The following PTCD1 variants were observed in gnomAD, a reference collection of about 807,000 sequenced individuals.
PTCD1 encodes the protein pentatricopeptide repeat domain 1, also known as pentatricopeptide repeat-containing protein 1, mitochondrial.
Under a neutral mutation model 53.4 loss-of-function variants are expected in PTCD1, and 50 were observed. The ratio of observed to expected loss-of-function variants is 0.94; its 90% CI spans 0.75 to 1.19. The LOEUF is 1.19. PTCD1 is among the 50% of genes most tolerant of loss of function. The pLI, the probability that PTCD1 is intolerant of heterozygous loss-of-function variation, is 0.00. For missense variants in PTCD1, 918 were observed against 904.8 expected (o/e 1.01, Z -0.19); for synonymous variants, 413 against 394.8 (o/e 1.05, Z -0.55).
intron 5 of PTCD1, among the ~76,000 whole-genome samples, chr7:99,427,692 A>G (rs954014358): frequency 3.9e-5 from 6 of 152,062 alleles, no homozygotes; most frequent in African/African-American, 7.2e-5. Context: ...AGATTGAGAA[A>G]TCGGATGGTT....
In PTCD1 at chr7:99,420,188, C is replaced by A. The variant is rs373694327; in HGVS notation, c.1921-39G>T. On this transcript the variant is annotated intron_variant, in intron 7 of 7. Coordinates refer to ENST00000292478, the MANE Select transcript of PTCD1 (RefSeq NM_015545.4). ...AGTGAGGCTAGAATCACTCCTGTTA[C>A]CTACAGCTAATCCCAAACCTCGGCA... 6.2e-6 allele frequency: 10 copies of A among 1,613,156 alleles called. No individual in the cohort carries two copies. The South Asian group carries it at 8.8e-5, about 14-fold the overall frequency.
At chr7:99,427,354 G>A (rs1256589531) in intron 5 of PTCD1, among the ~76,000 whole-genome samples, 43 of 140,590 alleles carry the variant, frequency 3.1e-4, no homozygotes, top group Admixed American at 4.2e-4. Context: ...GGAGGGAGGT[G>A]GGGGGTCAGC....
At chr7:99,424,092 G>T in intron 6 of PTCD1, 135 bp from the exon 7 acceptor site, 1 of 1,245,998 alleles carries the variant, frequency 8.0e-7, no homozygotes. Flanking sequence ...GCAACAATGT[G>T]CTGAATATCC....
chr7:99,423,529 C>T (rs559410504), intron 7 of PTCD1, among the ~76,000 whole-genome samples: 1 of 152,236 alleles, frequency 6.6e-6, no homozygotes, highest in South Asian at 2.1e-4. Context: ...GTGGCCTCTG[C>T]GAACTGACAG....
At chr7:99,429,248 G>T in intron 4 of PTCD1, 44 bp from the exon 5 acceptor site, 1 of 1,607,084 alleles carries the variant, frequency 6.2e-7, no homozygotes, top group South Asian at 1.1e-5. Flanking sequence ...CCTGCAGCAG[G>T]CTGGGCATGG....
At position 99,430,901 on chromosome 7, in the gene PTCD1, G is replaced by A. The variant is rs1448451514; in HGVS notation, c.595-1095C>T. ...AGCCTGGCCAACATGGCGAAACCCC[G>A]TCTTCTACAAAAAACACAAAAAAAT... On this transcript the variant is annotated intron_variant, in intron 3 of 7. Transcript: ENST00000292478. Among the ~76,000 whole-genome samples, 14 of 152,054 alleles carry A rather than the reference G, an allele frequency of 9.2e-5. No individual in the cohort carries two copies. The East Asian group carries it at 1.2e-3, about 13-fold the overall frequency.
intron 3 of PTCD1, among the ~76,000 whole-genome samples, chr7:99,432,457 G>T (rs1282191212): frequency 6.6e-6 from 1 of 152,158 alleles, no homozygotes; most frequent in Non-Finnish European, 1.5e-5. Flanking sequence ...ATGACACAGA[G>T]ACCTTTGCTC....
rs913212703 is a variant in PTCD1 at position 99,429,041 on chromosome 7, C to G, written c.915+62G>C. On this transcript the variant is annotated intron_variant, in intron 5 of 7. Coordinates refer to ENST00000292478, the MANE Select transcript of PTCD1 (RefSeq NM_015545.4). Reference sequence around the variant, plus strand: ...GGGCCATCGTGGGTGCTCACAGGATCACCATTTTGCACCTCTGGCACCGGG... The same window carrying G: ...GGGCCATCGTGGGTGCTCACAGGATGACCATTTTGCACCTCTGGCACCGGG... The G allele has an allele frequency of 1.0e-5, 16 of 1,587,022 alleles. No homozygotes were observed. The African/African-American group carries it at 1.6e-4, about 16-fold the overall frequency.
rs181574894 is a variant in PTCD1 at position 99,434,502 on chromosome 7, T to C, written c.453+288A>G. Among the ~76,000 whole-genome samples, 243 of 151,062 alleles carry C rather than the reference T, an allele frequency of 1.6e-3. 1 individual carries two copies. The highest frequency in any genetic ancestry group is 2.6e-3 in the Non-Finnish European group (173 of 67,728). ...AAGGGTGTGGAGGATTCACTTTTCT[T>C]TTTCCTTTTTTTTTTTTTGAGACAG... On this transcript the variant is annotated intron_variant, in intron 2 of 7. Transcript: ENST00000292478.
intron 5 of PTCD1, among the ~76,000 whole-genome samples, chr7:99,427,752 C>T (rs1796112203): frequency 6.6e-6 from 1 of 151,842 alleles, no homozygotes; most frequent in Non-Finnish European, 1.5e-5. Flanking sequence ...TCATTTTGTT[C>T]TGTACTAAGA....
intron 1 of PTCD1, among the ~76,000 whole-genome samples, chr7:99,436,600 G>T (rs1796475578): frequency 8.5e-5 from 13 of 152,100 alleles, no homozygotes; most frequent in Admixed American, 7.9e-4. Context: ...GAGCGACAGA[G>T]CAAGACTCCA....
intron 6 of PTCD1, 90 bp downstream of exon 6, chr7:99,424,705 G>A (rs562296320): frequency 3.4e-6 from 5 of 1,480,538 alleles, no homozygotes; most frequent in Non-Finnish European, 4.6e-6. Flanking sequence ...TCTCCAGGTG[G>A]GGGGTCTGCA....
chr7:99,430,470 C>T (rs910358634), intron 3 of PTCD1, among the ~76,000 whole-genome samples: 4 of 152,220 alleles, frequency 2.6e-5, no homozygotes, highest in African/African-American at 7.2e-5. Flanking sequence ...GGCAGCTCAG[C>T]GGCAGAAAGA....
chr7:99,417,673 A>C lies in PTCD1; in HGVS notation c.*2294T>G. ...AGTCGACTGCAAGGGATCTTATGTT[A>C]TTTGGTTGGGCTGGAATGTCGTTTT... On this transcript the variant is annotated 3_prime_UTR_variant, in exon 8 of 8. Coordinates refer to ENST00000292478, the MANE Select transcript of PTCD1 (RefSeq NM_015545.4). The C allele has an allele frequency of 6.3e-7, 1 of 1,581,050 alleles. No individual in the cohort carries two copies. Among genetic ancestry groups the C allele is most frequent in the Non-Finnish European group, 8.5e-7 (1 of 1,169,636 alleles).
At chr7:99,426,890 C>T (rs1228427036) in intron 5 of PTCD1, among the ~76,000 whole-genome samples, 1 of 150,126 alleles carries the variant, frequency 6.7e-6, no homozygotes, top group Non-Finnish European at 1.5e-5. Context: ...AGGTGAGGAG[C>T]GTCTCTGCCC....
chr7:99,422,877 A>AGACACC (rs1795877627), intron 7 of PTCD1, among the ~76,000 whole-genome samples: 2 of 152,058 alleles, frequency 1.3e-5, no homozygotes, highest in African/African-American at 4.8e-5. Context: ...GGTCCAACTA[A>AGACACC]TCTTTTGCGT....
rs1392101112 is a variant in PTCD1, at chr7:99,434,952, G to C, written c.291C>G (p.Ser97=). The change falls in exon 2 of 8, where the codon TCC becomes TCG. Residue 97 remains serine (S), a synonymous_variant. Transcript: ENST00000292478. Reference sequence around the variant, plus strand: ...CGGATTTGCGGAATAGTCTCCGGGAGGAGTATTTGTCAGAGAGGGTCCCAA... The same window carrying C: ...CGGATTTGCGGAATAGTCTCCGGGACGAGTATTTGTCAGAGAGGGTCCCAA... The part of the protein sequence containing the change: ...ESFGTLSDKY[S]SRRLFRKSAA... 37 of 1,614,228 alleles carry C rather than the reference G, an allele frequency of 2.3e-5. No homozygotes were observed. The highest frequency in any genetic ancestry group is 3.1e-5 in the Non-Finnish European group (36 of 1,180,048).
intron 5 of PTCD1, among the ~76,000 whole-genome samples, chr7:99,426,905 G>A (rs1375077338): frequency 1.0e-4 from 15 of 150,420 alleles, no homozygotes; most frequent in Middle Eastern, 3.5e-3. Context: ...CTGCCCGGCC[G>A]CCCCGTCTGA....
Position 99,421,983 on chromosome 7 carries a change from A to G in PTCD1, c.1920+1792T>C, listed in dbSNP as rs1795840253. ...CTTAAATATGATATGCTTTAGGTCT[A>G]TGATAGTCTTGTGACTGTCGAGTTG... On this transcript the variant is annotated intron_variant, in intron 7 of 7. Coordinates refer to ENST00000292478, the MANE Select transcript of PTCD1 (RefSeq NM_015545.4). Among the ~76,000 whole-genome samples, 3 of 152,192 alleles carry G rather than the reference A, an allele frequency of 2.0e-5. No homozygotes were observed. In the South Asian group the frequency reaches 6.2e-4, roughly 31 times the overall value.
Sources: gnomAD v4.1 joint callset for allele counts (sites outside exome capture counted in the v4.1 genomes callset) on GRCh38, gnomAD v4.1.1 for gene constraint, MANE v1.5 for transcripts, NCBI Gene and HGNC (gene_info 2026-07-23, HGNC 2026-07-21) for gene names.